The following GARRE1 variants were observed in gnomAD, a reference collection of about 807,000 sequenced individuals.
GARRE1 encodes the protein granule associated Rac and RHOG effector protein 1.
In GARRE1, 49 loss-of-function variants were observed where a neutral mutation model predicts 103.2. That is an observed-to-expected ratio of 0.47 (90% CI 0.38 to 0.60). GARRE1 has a LOEUF of 0.60. GARRE1 is among the 20% of genes least tolerant of loss of function. GARRE1 has a pLI of 0.00. For synonymous variants in GARRE1, 505 were observed against 532.8 expected, an observed-to-expected ratio of 0.95 and a Z score of 0.72; for missense variants, 1,199 against 1,370.5, an observed-to-expected ratio of 0.87 and a Z score of 1.98.
chr19:34,260,380 C>G (rs2073709574), intron 1 of GARRE1, among the ~76,000 whole-genome samples: 1 of 152,188 alleles, frequency 6.6e-6, no homozygotes, highest in Non-Finnish European at 1.5e-5. Flanking sequence ...ATGTGACTTG[C>G]TTCATTGCGA....
chr19:34,313,561 T>A (rs1382944742), intron 2 of GARRE1, among the ~76,000 whole-genome samples: 1 of 152,176 alleles, frequency 6.6e-6, no homozygotes, highest in Non-Finnish European at 1.5e-5. Context: ...TGATGTGTCA[T>A]GATGAGGATA....
At chr19:34,342,499 G>A in intron 10 of GARRE1, 44 bp downstream of exon 10, 6 of 1,542,128 alleles carry the variant, frequency 3.9e-6, no homozygotes, top group Non-Finnish European at 5.3e-6. Context: ...AACAGCAAAT[G>A]CAACTGCCGA....
At chr19:34,337,866 A>C (rs1035612910) in intron 8 of GARRE1, among the ~76,000 whole-genome samples, 1 of 152,236 alleles carries the variant, frequency 6.6e-6, no homozygotes, top group African/African-American at 2.4e-5. Flanking sequence ...TGACAAGCCA[A>C]GTCACAACCA....
chr19:34,274,143 T>C (rs576836914), intron 1 of GARRE1, among the ~76,000 whole-genome samples: 240 of 151,878 alleles, frequency 1.6e-3, no homozygotes, highest in Non-Finnish European at 3.0e-3. Flanking sequence ...TGGTGGCTCA[T>C]ACCTGTAATC....
At chr19:34,285,362 C>CT (rs2073880038) in intron 1 of GARRE1, 1 of 152,174 alleles carries the variant, frequency 6.6e-6, no homozygotes, top group African/African-American at 2.4e-5. Flanking sequence ...TGGCTCATGG[C>CT]TGTAATCCCA....
rs1003826639 is a variant in GARRE1, at chr19:34,299,773, T to C, written c.-701T>C. 2.0e-5 allele frequency: 3 copies of C among 151,984 alleles called. No homozygotes were observed. Among genetic ancestry groups the C allele is most frequent in the Admixed American group, 2.0e-4 (3 of 15,238 alleles). The allele number at this position is 151,984 out of a possible 1,614,324, so 9.4% of individuals were successfully genotyped here. ...CCAGTCTGGAAGCATCTCTTATTAA[T>C]GTTACAAGGAAACCGCTACCTCAGC... On this transcript the variant is annotated 5_prime_UTR_variant, in exon 2 of 14. It removes an upstream start codon present in the reference 5' UTR. Coordinates refer to ENST00000299505, the MANE Select transcript of GARRE1 (RefSeq NM_014686.5).
At chr19:34,327,613 G>A in intron 4 of GARRE1, 52 bp downstream of exon 4, 1 of 1,595,824 alleles carries the variant, frequency 6.3e-7, no homozygotes, top group South Asian at 1.1e-5. Context: ...AAACAAGGGA[G>A]GGAGTTAAAG....
At chr19:34,304,443 T>A (rs2073997604) in intron 2 of GARRE1, among the ~76,000 whole-genome samples, 1 of 151,194 alleles carries the variant, frequency 6.6e-6, no homozygotes, top group Non-Finnish European at 1.5e-5. Context: ...TGGCGTGGTC[T>A]TGGCTCACAG....
intron 8 of GARRE1, among the ~76,000 whole-genome samples, chr19:34,336,844 G>GAAAAC (rs140889804): frequency 0.097 from 14,730 of 152,154 alleles, 1,108 homozygotes; most frequent in African/African-American, 0.2. Flanking sequence ...TCATTTTGAA[G>GAAAAC]AGTTTGAACT....
intron 1 of GARRE1, among the ~76,000 whole-genome samples, chr19:34,299,367 A>G (rs1343442581): frequency 6.6e-6 from 1 of 152,162 alleles, no homozygotes; most frequent in African/African-American, 2.4e-5. Context: ...GAAGCTTGTG[A>G]GCTCTTCAAA....
rs745627756 is a variant in GARRE1, at chr19:34,347,975, C to T, written c.2620C>T (p.Arg874Trp). The stretch of plus-strand genomic sequence containing the variant: ...GCACGGTCGCCGGCCAGGCAACCCC[C>T]GGGGCAACTGGCCGCCTATGGATGA... ...AQHGRRPGNPRGNWPPMDDAH... is the reference protein window; with the variant it reads ...AQHGRRPGNPWGNWPPMDDAH... Residue 874 changes from arginine to tryptophan, a missense_variant, in exon 11 of 14, where the codon CGG becomes TGG. Coordinates refer to ENST00000299505, the MANE Select transcript of GARRE1 (RefSeq NM_014686.5). 1.0e-5 allele frequency: 16 copies of T among 1,584,842 alleles called. No individual in the cohort carries two copies. Among genetic ancestry groups the T allele is most frequent in the African/African-American group, 2.7e-5 (2 of 73,874 alleles).
At chr19:34,319,485 T>C (rs947751254) in intron 2 of GARRE1, among the ~76,000 whole-genome samples, 4 of 152,230 alleles carry the variant, frequency 2.6e-5, no homozygotes, top group African/African-American at 9.6e-5. Context: ...ATGGTCAAAC[T>C]GGCCTTCTTT....
intron 1 of GARRE1, among the ~76,000 whole-genome samples, chr19:34,291,689 A>T (rs905463968): frequency 6.6e-6 from 1 of 152,212 alleles, no homozygotes; most frequent in African/African-American, 2.4e-5. Flanking sequence ...TGACCTAATC[A>T]TCTCTTACAG....
chr19:34,300,906 G>A lies in GARRE1; in HGVS notation c.433G>A (p.Glu145Lys). ...GCCTGAGATCGCCAAGATGCTAATG[G>A]AACTTAGTGCTGGGGCTGCAAATTT... The part of the protein sequence containing the change: ...IKPEIAKMLM[E>K]LSAGAANFTD... Residue 145 changes from glutamate (E) to lysine (K), a missense_variant, in exon 2 of 14, where the codon GAA becomes AAA. Physicochemically the swap from Glu to Lys is moderately conservative, Grantham distance 56. Transcript: ENST00000299505. 1 of 1,608,806 alleles carries A rather than the reference G, an allele frequency of 6.2e-7. No homozygotes were observed.
chr19:34,332,735 C>T (rs962103450), intron 7 of GARRE1, among the ~76,000 whole-genome samples: 3 of 152,226 alleles, frequency 2.0e-5, no homozygotes, highest in Admixed American at 1.3e-4. Context: ...CAGTTTTACC[C>T]CTTCTGAAAT....
At chr19:34,318,402 G>A (rs2145258405) in intron 2 of GARRE1, among the ~76,000 whole-genome samples, 1 of 152,342 alleles carries the variant, frequency 6.6e-6, no homozygotes, top group East Asian at 1.9e-4. Flanking sequence ...CTTGTAAAAA[G>A]CAATGGCTAT....
At chr19:34,273,325 G>A (rs2073798949) in intron 1 of GARRE1, among the ~76,000 whole-genome samples, 1 of 152,152 alleles carries the variant, frequency 6.6e-6, no homozygotes. Flanking sequence ...ATAATGCTTG[G>A]CACGTCATAG....
chr19:34,294,467 A>G (rs2073936045), intron 1 of GARRE1, among the ~76,000 whole-genome samples: 1 of 151,950 alleles, frequency 6.6e-6, no homozygotes, highest in Non-Finnish European at 1.5e-5. Context: ...AATCGTTGCT[A>G]TCTTTTATTA....
intron 7 of GARRE1, 47 bp downstream of exon 7, chr19:34,330,394 T>G (rs1326205464): frequency 6.3e-7 from 1 of 1,588,608 alleles, no homozygotes; most frequent in South Asian, 1.1e-5. Context: ...CCAAGATGTT[T>G]CAAGCATGTG....
Sources: allele counts gnomAD v4.1 joint callset (sites outside exome capture counted in the v4.1 genomes callset), GRCh38; gene constraint gnomAD v4.1.1; transcripts MANE v1.5; gene names NCBI Gene and HGNC (gene_info 2026-07-23, HGNC 2026-07-21).